Variants in SPATS2L observed in about 807,000 individuals in gnomAD.
SPATS2L encodes the protein spermatogenesis associated serine rich 2 like, also known as SPATS2-like protein.
A neutral mutation model predicts 59.6 loss-of-function variants in SPATS2L; 30 were observed. That is an observed-to-expected ratio of 0.50 (90% confidence interval 0.38 to 0.68). SPATS2L has a LOEUF of 0.68. Among genes scored for constraint, SPATS2L ranks in the 30% least tolerant of loss-of-function variants. SPATS2L has a pLI of 0.00. For synonymous variants in SPATS2L, 252 were observed against 263.5 expected (o/e 0.96, Z 0.42); for missense variants, 615 against 700.0 (o/e 0.88, Z 1.37).
At chr2:200,364,669 C>T (rs771101783) in intron 2 of SPATS2L, among the ~76,000 whole-genome samples, 44 of 152,212 alleles carry the variant, frequency 2.9e-4, no homozygotes, top group Non-Finnish European at 5.1e-4. Flanking sequence ...ATACCACCCA[C>T]TCATAGGTCC....
intron 2 of SPATS2L, among the ~76,000 whole-genome samples, chr2:200,355,089 A>C (rs1012152981): frequency 6.6e-6 from 1 of 152,102 alleles, no homozygotes; most frequent in Non-Finnish European, 1.5e-5. Flanking sequence ...CCCTTCCTCT[A>C]TCTCTCCCTT....
intron 6 of SPATS2L, among the ~76,000 whole-genome samples, chr2:200,420,584 G>A (rs951859886): frequency 1.1e-4 from 17 of 152,272 alleles, no homozygotes; most frequent in Middle Eastern, 3.4e-3. Context: ...AGGGTAATGG[G>A]TGTCAGCTCT....
chr2:200,307,561 C>T (rs1190344178), intron 1 of SPATS2L, among the ~76,000 whole-genome samples: 1 of 152,282 alleles, frequency 6.6e-6, no homozygotes, highest in East Asian at 1.9e-4. Flanking sequence ...GCGGTCGCGC[C>T]GCCGCATTTG....
chr2:200,392,705 C>T (rs1425005202), intron 3 of SPATS2L, among the ~76,000 whole-genome samples: 1 of 152,064 alleles, frequency 6.6e-6, no homozygotes, highest in African/African-American at 2.4e-5. Context: ...GCCAATTGTA[C>T]TTGTGCTGGT....
intron 10 of SPATS2L, among the ~76,000 whole-genome samples, chr2:200,469,077 T>A (rs2086837554): frequency 6.6e-6 from 1 of 152,198 alleles, no homozygotes; most frequent in Non-Finnish European, 1.5e-5. Flanking sequence ...AAAACAGAGG[T>A]AATAATACTG....
intron 2 of SPATS2L, among the ~76,000 whole-genome samples, chr2:200,347,230 A>T (rs1233506439): frequency 6.6e-6 from 1 of 152,132 alleles, no homozygotes; most frequent in Non-Finnish European, 1.5e-5. Flanking sequence ...TTAGTAACAC[A>T]TTCTGATTTT....
rs1383680219 is a variant in SPATS2L at position 200,473,024 on chromosome 2, C to G, written c.1253C>G (p.Ser418Cys). ...AGTCTCCCCAGCACCGCCGACCCCTCTCACCAGACCATGCCGGCCAACAAG... is the reference window on the plus strand; with the variant it reads ...AGTCTCCCCAGCACCGCCGACCCCTGTCACCAGACCATGCCGGCCAACAAG... Reference protein sequence around the residue: ...VSSLPSTADPSHQTMPANKQN... With the variant: ...VSSLPSTADPCHQTMPANKQN... Residue 418 changes from serine (S) to cysteine (C), a missense_variant, in exon 12 of 13, where the codon TCT (serine) becomes TGT (cysteine). By Grantham distance (112) the Ser-to-Cys change is moderately radical. Coordinates refer to ENST00000409140, the MANE Select transcript of SPATS2L (RefSeq NM_001100423.2). 1.2e-6 allele frequency: 2 copies of G among 1,613,446 alleles called. No individual in the cohort carries two copies. The highest frequency in any genetic ancestry group is 1.7e-6 in the Non-Finnish European group (2 of 1,179,782).
chr2:200,428,051 C>CAG (rs10643188), intron 6 of SPATS2L, among the ~76,000 whole-genome samples: 68,009 of 148,370 alleles, frequency 0.46, 15,817 homozygotes, highest in East Asian at 0.57. Flanking sequence ...GCCTGGGTGA[C>CAG]AGCGAGACCG....
At chr2:200,438,844 T>C (rs2084485681) in intron 6 of SPATS2L, among the ~76,000 whole-genome samples, 1 of 152,172 alleles carries the variant, frequency 6.6e-6, no homozygotes, top group African/African-American at 2.4e-5. Flanking sequence ...TGGATAGTTA[T>C]GGATGAGGAA....
At chr2:200,349,455 G>T (rs2080640756) in intron 2 of SPATS2L, among the ~76,000 whole-genome samples, 1 of 152,228 alleles carries the variant, frequency 6.6e-6, no homozygotes, top group African/African-American at 2.4e-5. Flanking sequence ...GACCAACATG[G>T]TGAAACCTCG....
At chr2:200,462,920 T>G (rs929867576) in intron 9 of SPATS2L, among the ~76,000 whole-genome samples, 4 of 151,676 alleles carry the variant, frequency 2.6e-5, no homozygotes, top group Non-Finnish European at 4.4e-5. Context: ...AGAGAGACCC[T>G]GTATTAAAAA....
chr2:200,467,766 C>T (rs1369669105), intron 10 of SPATS2L, among the ~76,000 whole-genome samples: 3 of 152,190 alleles, frequency 2.0e-5, no homozygotes, highest in Admixed American at 1.3e-4. Flanking sequence ...TATATACACA[C>T]ACGAAGCATG....
At chr2:200,362,037 C>T (rs915388277) in intron 2 of SPATS2L, among the ~76,000 whole-genome samples, 1 of 151,970 alleles carries the variant, frequency 6.6e-6, no homozygotes, top group Non-Finnish European at 1.5e-5. Context: ...CCCGGGAGTT[C>T]AAGACCAGCC....
chr2:200,347,508 A>G (rs1239895231), intron 2 of SPATS2L, among the ~76,000 whole-genome samples: 1 of 152,186 alleles, frequency 6.6e-6, no homozygotes, highest in African/African-American at 2.4e-5. Flanking sequence ...GCTTAAACAA[A>G]GCCCCCGGTT....
intron 7 of SPATS2L, among the ~76,000 whole-genome samples, chr2:200,440,129 T>C (rs78917047): frequency 6.6e-6 from 1 of 152,238 alleles, no homozygotes; most frequent in Non-Finnish European, 1.5e-5. Context: ...TGGGCACCCA[T>C]AGAGCTGCTT....
intron 2 of SPATS2L, among the ~76,000 whole-genome samples, chr2:200,385,398 G>A (rs2081959319): frequency 6.6e-6 from 1 of 152,186 alleles, no homozygotes; most frequent in East Asian, 1.9e-4. Context: ...AGATGAAATT[G>A]AGCTGACTGG....
chr2:200,380,621 A>G (rs1005369098), intron 2 of SPATS2L, among the ~76,000 whole-genome samples: 15 of 152,244 alleles, frequency 9.9e-5, no homozygotes, highest in African/African-American at 2.9e-4. Flanking sequence ...TTCCCCCCAC[A>G]AAGAACTTAG....
chr2:200,379,603 A>G (rs943765709), intron 2 of SPATS2L, among the ~76,000 whole-genome samples: 4 of 152,188 alleles, frequency 2.6e-5, no homozygotes, highest in African/African-American at 9.7e-5. Flanking sequence ...AGTTTGTGGT[A>G]AAGTACTTGG....
intron 1 of SPATS2L, among the ~76,000 whole-genome samples, chr2:200,324,227 A>G (rs1436046516): frequency 6.6e-6 from 1 of 152,178 alleles, no homozygotes; most frequent in Non-Finnish European, 1.5e-5. Context: ...ACTATACTGT[A>G]GGACCTTGAA....
Sources: allele counts gnomAD v4.1 joint callset (sites outside exome capture counted in the v4.1 genomes callset), GRCh38; gene constraint gnomAD v4.1.1; transcripts MANE v1.5; gene names NCBI Gene and HGNC (gene_info 2026-07-23, HGNC 2026-07-21).